POLD1: variants seen among roughly 807,000 people sequenced by gnomAD.
The protein encoded by POLD1 is DNA polymerase delta 1, catalytic subunit.
In POLD1, 79 loss-of-function variants were observed where a neutral mutation model predicts 129.7. That is an observed-to-expected ratio of 0.61 (90% CI 0.51 to 0.73). POLD1 has a LOEUF of 0.73. Ranked by LOEUF, POLD1 falls within the 30% of genes least tolerant of loss-of-function variation. POLD1 has a pLI of 0.00. For synonymous variants in POLD1, 714 were observed against 683.3 expected, an observed-to-expected ratio of 1.04 and a Z score of -0.70; for missense variants, 1,338 against 1,595.8, an observed-to-expected ratio of 0.84 and a Z score of 2.75.
chr19:50,397,850 T>C (rs942709870), intron 1 of POLD1, among the ~76,000 whole-genome samples: 17 of 152,128 alleles, frequency 1.1e-4, no homozygotes, highest in African/African-American at 3.9e-4. Context: ...TTGGAGACAG[T>C]TGGAGAAATT....
Position 50,403,336 on chromosome 19 carries a change from G to C in POLD1, c.1137+117G>C, listed in dbSNP as rs2038739078. 1.2e-5 allele frequency: 14 copies of C among 1,148,258 alleles called. No homozygotes were observed. The East Asian group carries it at 3.4e-4, about 28-fold the overall frequency. The allele number at this position is 1,148,258 out of a possible 1,614,324, so 71.1% of individuals were successfully genotyped here. ...TGTCTGTGGGTCTGGGTGGGTGTCT[G>C]TGGGTCTGGGTGGGCCCCTGTGCAA... On this transcript the variant is annotated intron_variant, in intron 9 of 26. Transcript: ENST00000440232.
intron 9 of POLD1, 61 bp downstream of exon 9, chr19:50,403,280 A>G: frequency 6.8e-7 from 1 of 1,465,402 alleles, no homozygotes; most frequent in Non-Finnish European, 9.2e-7. Flanking sequence ...CCGCGTCCTG[A>G]GCCATCAGCT....
At position 50,403,155 on chromosome 19, in the gene POLD1, G is replaced by A. The variant is rs878854518; in HGVS notation, c.1073G>A (p.Arg358Gln). Reference protein sequence around the residue: ...EPFLRLALTLRPCAPILGAKV... With the variant: ...EPFLRLALTLQPCAPILGAKV... ...TTCCTACGCCTGGCGCTCACCCTGCGGCCCTGTGCCCCCATCCTGGGTGCC... is the reference window on the plus strand; with the variant it reads ...TTCCTACGCCTGGCGCTCACCCTGCAGCCCTGTGCCCCCATCCTGGGTGCC... Residue 358 changes from arginine (R) to glutamine (Q), a missense_variant, in exon 9 of 27, where the codon CGG (arginine) becomes CAG (glutamine). Transcript: ENST00000440232. The A allele has an allele frequency of 3.8e-6, 6 of 1,561,330 alleles. No homozygotes were observed. Among genetic ancestry groups the A allele is most frequent in the African/African-American group, 1.4e-5 (1 of 73,672 alleles).
chr19:50,385,517 C>T (rs934707320), intron 1 of POLD1, among the ~76,000 whole-genome samples: 1 of 148,228 alleles, frequency 6.7e-6, no homozygotes, highest in Non-Finnish European at 1.5e-5. Context: ...CTTGTTGCCA[C>T]TGTCTTCTCT....
Position 50,409,374 on chromosome 19 carries a change from C to A in POLD1, c.2006+139C>A. On this transcript the variant is annotated intron_variant, in intron 16 of 26. Transcript: ENST00000440232. This position sits in a 1 kb window ranked among gnomAD's most constrained non-coding sequence, Gnocchi z 5.8. The stretch of plus-strand genomic sequence containing the variant: ...GTGAATTAGCACAAGGCATCCCCTC[C>A]TGGCAGCTTCCTTTTGCCCCCTTGG... 2.3e-6 allele frequency: 3 copies of A among 1,307,130 alleles called. No homozygotes were observed. Among genetic ancestry groups the A allele is most frequent in the South Asian group, 1.3e-5 (1 of 77,122 alleles). 81.0% of individuals were successfully genotyped at this position (1,307,130 alleles called of 1,614,324 possible).
intron 1 of POLD1, among the ~76,000 whole-genome samples, chr19:50,390,023 C>T (rs1315488068): frequency 6.6e-6 from 1 of 151,900 alleles, no homozygotes; most frequent in South Asian, 2.1e-4. Context: ...ATTCTCCTGC[C>T]TCAGCCTCCC....
chr19:50,406,168 C>A lies in POLD1; in HGVS notation c.1243-14C>A. On this transcript the variant is annotated splice_polypyrimidine_tract_variant and intron_variant, in intron 10 of 26. Coordinates refer to ENST00000440232, the MANE Select transcript of POLD1 (RefSeq NM_002691.4). The surrounding 1 kb of genome is among the most constrained non-coding windows in gnomAD (Gnocchi z 5.5). Reference sequence around the variant, plus strand: ...GACCCGCAGCCTGCTGCACACCCTGCCTCTCCTCCTCAGGTACAAACATTC... The same window carrying A: ...GACCCGCAGCCTGCTGCACACCCTGACTCTCCTCCTCAGGTACAAACATTC... 1 of 1,609,640 alleles carries A rather than the reference C, an allele frequency of 6.2e-7. No individual in the cohort carries two copies. Among genetic ancestry groups the A allele is most frequent in the African/African-American group, 1.3e-5 (1 of 74,960 alleles).
chr19:50,385,756 T>A (rs2037947889), intron 1 of POLD1, among the ~76,000 whole-genome samples: 1 of 152,130 alleles, frequency 6.6e-6, no homozygotes, highest in South Asian at 2.1e-4. Context: ...CTCGAACTCC[T>A]GACCTCAGGT....
chr19:50,417,051 T>G lies in POLD1; in HGVS notation c.3074T>G (p.Val1025Gly). The change falls in exon 25 of 27, where the codon GTG (valine) becomes GGG (glycine). Residue 1025 changes from valine to glycine, a missense_variant. Coordinates refer to ENST00000440232, the MANE Select transcript of POLD1 (RefSeq NM_002691.4). ...CTGACCCGCCTCCCCACAGGAGCCG[T>G]GTGTGAGTTCTGCCAGCCCCGGGAG... ...CRTVLSHQGA[V>G]CEFCQPRESE... 1 of 1,550,774 alleles carries G rather than the reference T, an allele frequency of 6.4e-7. No homozygotes were observed. Among genetic ancestry groups the G allele is most frequent in the Non-Finnish European group, 8.7e-7 (1 of 1,147,004 alleles).
intron 3 of POLD1, 47 bp downstream of exon 3, chr19:50,399,531 G>A: frequency 7.1e-7 from 1 of 1,415,630 alleles, no homozygotes. Context: ...GCGCTCCTGG[G>A]GCAGAGGCCG....
intron 1 of POLD1, chr19:50,395,228 G>A (rs1601178983): frequency 8.4e-6 from 1 of 118,940 alleles, no homozygotes; most frequent in Non-Finnish European, 1.7e-5. Flanking sequence ...TAGGCCGGGC[G>A]CGGTGGCTGG....
At chr19:50,412,430 GGT>G (rs1450303930) in intron 17 of POLD1, among the ~76,000 whole-genome samples, 1 of 151,158 alleles carries the variant, frequency 6.6e-6, no homozygotes, top group Non-Finnish European at 1.5e-5. Context: ...TGGGATTACT[GGT>G]GTGAGTCACC....
chr19:50,408,956 G>C (rs1309887182), intron 15 of POLD1, 55 bp downstream of exon 15: 16 of 1,536,828 alleles, frequency 1.0e-5, no homozygotes, highest in East Asian at 2.3e-5. Context: ...CCTTCCCTTG[G>C]GGGGCTCAGT....
chr19:50,417,851 C>T lies in POLD1; in HGVS notation c.3228C>T (p.Cys1076=). The T allele has an allele frequency of 6.2e-7, 1 of 1,604,108 alleles. No individual in the cohort carries two copies. ...HEDVICTSRD[C]PIFYMRKKVR... is the part of the protein sequence containing the mutation. Reference sequence around the variant, plus strand: ...CTGCCCCCACCCGCAGCCGGGACTGCCCCATCTTCTACATGCGCAAGAAGG... The same window carrying T: ...CTGCCCCCACCCGCAGCCGGGACTGTCCCATCTTCTACATGCGCAAGAAGG... Residue 1076 remains cysteine (C), a synonymous_variant, in exon 27 of 27, where the codon TGC becomes TGT. Transcript: ENST00000440232.
chr19:50,417,376 C>A, intron 26 of POLD1, 107 bp downstream of exon 26: 1 of 688,808 alleles, frequency 1.5e-6, no homozygotes, highest in Non-Finnish European at 2.5e-6. Context: ...AGCATCCTCC[C>A]CGCCCATCCC....
In POLD1 at chr19:50,406,549, A is replaced by C. The variant is rs577212836; in HGVS notation, c.1494+32A>C. The C allele has an allele frequency of 4.9e-5, 72 of 1,461,678 alleles. No individual in the cohort carries two copies. The Admixed American group carries it at 7.0e-4, about 14-fold the overall frequency. The allele number at this position is 1,461,678 out of a possible 1,614,324, so 90.5% of individuals were successfully genotyped here. On this transcript the variant is annotated intron_variant, in intron 12 of 26. Transcript: ENST00000440232. This position sits in a 1 kb window ranked among gnomAD's most constrained non-coding sequence, Gnocchi z 5.5. ...GCTGCCTCCCTGACCTCTCACCCCA[A>C]CCTCTGACCTCCACCTCACCCTTCC...
chr19:50,412,771 T>C (rs2122429308), intron 17 of POLD1, among the ~76,000 whole-genome samples: 1 of 151,798 alleles, frequency 6.6e-6, no homozygotes, highest in South Asian at 2.1e-4. Flanking sequence ...GTTTTGTGTG[T>C]GTGTGTGTGT....
At chr19:50,393,656 A>G (rs889722987) in intron 1 of POLD1, among the ~76,000 whole-genome samples, 1 of 152,208 alleles carries the variant, frequency 6.6e-6, no homozygotes, top group Admixed American at 6.6e-5. Flanking sequence ...ACAGAGTGAG[A>G]TCCTGTCTCA....
In POLD1 at chr19:50,408,732, G is replaced by A. The variant is rs751254764; in HGVS notation, c.1776-53G>A. On this transcript the variant is annotated intron_variant, in intron 14 of 26. Coordinates refer to ENST00000440232, the MANE Select transcript of POLD1 (RefSeq NM_002691.4). ...GGTGAGGCCACAAGACAGGGCGGGG[G>A]CGGCATGGGAACTCCTAGCCCTGAC... The A allele has an allele frequency of 1.2e-5, 19 of 1,599,944 alleles. No homozygotes were observed. In the Admixed American group the frequency reaches 1.7e-4, roughly 14 times the overall value.
Sources: allele counts gnomAD v4.1 joint callset (sites outside exome capture counted in the v4.1 genomes callset), GRCh38; gene constraint gnomAD v4.1.1; non-coding constraint Gnocchi (gnomAD v3.1); transcripts MANE v1.5; gene names NCBI Gene and HGNC (gene_info 2026-07-23, HGNC 2026-07-21).